CASR: variants seen among roughly 807,000 people sequenced by gnomAD.
CASR encodes extracellular calcium-sensing receptor.
In CASR, 23 loss-of-function variants were observed where a neutral mutation model predicts 69.1. The observed-to-expected ratio is 0.33, with a 90% CI of 0.24 to 0.47. CASR has a LOEUF of 0.47. CASR is among the 20% of genes least tolerant of loss of function. CASR has a pLI of 1.00. For synonymous variants in CASR, 541 were observed against 544.7 expected (o/e 0.99, Z 0.10); for missense variants, 924 against 1,356.1 (o/e 0.68, Z 5.00).
At chr3:122,231,633 T>G (rs982265921) in intron 1 of CASR, among the ~76,000 whole-genome samples, 39 of 152,156 alleles carry the variant, frequency 2.6e-4, no homozygotes, top group Non-Finnish European at 4.4e-5. Context: ...TCACTTAACC[T>G]TGCCTTTCTG....
intron 5 of CASR, among the ~76,000 whole-genome samples, chr3:122,280,709 T>C (rs2074878107): frequency 6.6e-6 from 1 of 152,200 alleles, no homozygotes; most frequent in Non-Finnish European, 1.5e-5. Flanking sequence ...TTTTTTTAAC[T>C]CCTTTGTCAA....
intron 1 of CASR, among the ~76,000 whole-genome samples, chr3:122,231,983 A>T (rs2074283150): frequency 6.6e-6 from 1 of 152,162 alleles, no homozygotes; most frequent in African/African-American, 2.4e-5. Flanking sequence ...GCACACCCGC[A>T]TGTCCAGATA....
chr3:122,288,700 C>T lies in CASR; in HGVS notation c.*3509C>T. ...TTCTATTATCTGTCAGTAGCAGAAA[C>T]CTGAAATTGGTAGCTTCAACAAACT... is the stretch of plus-strand genomic sequence containing the variant. On this transcript the variant is annotated 3_prime_UTR_variant, in exon 7 of 7. Transcript: ENST00000639785. 6.6e-6 allele frequency: 1 copy of T among 152,024 alleles called. No individual in the cohort carries two copies. Among genetic ancestry groups the T allele is most frequent in the East Asian group, 1.9e-4 (1 of 5,194 alleles). 9.4% of individuals were successfully genotyped at this position (152,024 alleles called of 1,614,324 possible). A position where few individuals can be genotyped will look rare whatever the true frequency, so the allele number is the denominator to read the frequency against.
intron 4 of CASR, among the ~76,000 whole-genome samples, chr3:122,266,073 G>C (rs542889973): frequency 6.6e-6 from 1 of 152,184 alleles, no homozygotes; most frequent in South Asian, 2.1e-4. Flanking sequence ...TGTGTGACCT[G>C]GCCCTCATTA....
chr3:122,248,606 GA>G (rs1447443976), intron 1 of CASR, among the ~76,000 whole-genome samples: 1 of 141,262 alleles, frequency 7.1e-6, no homozygotes, highest in Non-Finnish European at 1.6e-5. Context: ...AGGCAACCTA[GA>G]ATTTTTTTTT....
chr3:122,246,040 CCAG>C (rs1452129759), intron 1 of CASR, among the ~76,000 whole-genome samples: 1 of 152,150 alleles, frequency 6.6e-6, no homozygotes, highest in African/African-American at 2.4e-5. Context: ...TTTGTGAATT[CCAG>C]CTCCTGTTCA....
At chr3:122,221,750 A>G (rs775790342) in intron 1 of CASR, among the ~76,000 whole-genome samples, 18 of 152,248 alleles carry the variant, frequency 1.2e-4, no homozygotes, top group Non-Finnish European at 1.8e-4. Flanking sequence ...ATCATTTATT[A>G]CAGCATGACT....
intron 4 of CASR, among the ~76,000 whole-genome samples, chr3:122,274,966 C>T (rs1300415091): frequency 6.6e-6 from 1 of 152,170 alleles, no homozygotes; most frequent in Admixed American, 6.5e-5. Context: ...AGCGATGCTG[C>T]AGTAGAGTAC....
intron 1 of CASR, among the ~76,000 whole-genome samples, chr3:122,204,675 A>G (rs919917593): frequency 1.1e-4 from 17 of 152,138 alleles, no homozygotes; most frequent in African/African-American, 4.1e-4. Flanking sequence ...TGGCTGTACT[A>G]ATTTACATCC....
At chr3:122,192,031 T>A (rs926372861) in intron 1 of CASR, among the ~76,000 whole-genome samples, 1 of 152,234 alleles carries the variant, frequency 6.6e-6, no homozygotes, top group African/African-American at 2.4e-5. Context: ...ATTGTATCAT[T>A]AAGAAATTAT....
chr3:122,227,754 G>A (rs1001292118), intron 1 of CASR, among the ~76,000 whole-genome samples: 6 of 152,062 alleles, frequency 3.9e-5, no homozygotes, highest in Non-Finnish European at 8.8e-5. Context: ...GGAGCACTGG[G>A]GTTGAAAGCT....
chr3:122,202,367 A>G (rs1397778059), intron 1 of CASR, among the ~76,000 whole-genome samples: 4 of 144,748 alleles, frequency 2.8e-5, no homozygotes, highest in African/African-American at 1.0e-4. Flanking sequence ...AGATGGCAGC[A>G]GTACAGTCCA....
At chr3:122,204,354 T>C (rs2073985842) in intron 1 of CASR, among the ~76,000 whole-genome samples, 1 of 152,186 alleles carries the variant, frequency 6.6e-6, no homozygotes, top group Non-Finnish European at 1.5e-5. Flanking sequence ...GCTTGGCTTA[T>C]TTTACTTACT....
chr3:122,207,072 T>G (rs1340978097), intron 1 of CASR, among the ~76,000 whole-genome samples: 1 of 152,110 alleles, frequency 6.6e-6, no homozygotes, highest in Non-Finnish European at 1.5e-5. Context: ...TTATATCTGC[T>G]CTAATTTTAT....
intron 1 of CASR, among the ~76,000 whole-genome samples, chr3:122,228,608 G>C (rs2074249685): frequency 1.3e-5 from 2 of 152,212 alleles, no homozygotes; most frequent in Non-Finnish European, 1.5e-5. Context: ...AAAAGAGAAG[G>C]GGCTGAAGGA....
At chr3:122,209,801 A>C (rs1294564950) in intron 1 of CASR, among the ~76,000 whole-genome samples, 1 of 152,350 alleles carries the variant, frequency 6.6e-6, no homozygotes, top group Middle Eastern at 3.4e-3. Context: ...AGAAAACTTC[A>C]GTCCAATATC....
At chr3:122,280,054 G>A (rs557672835) in intron 5 of CASR, among the ~76,000 whole-genome samples, 1 of 152,012 alleles carries the variant, frequency 6.6e-6, no homozygotes, top group East Asian at 1.9e-4. Context: ...GGGGTGTTTG[G>A]TTTTCTGTTC....
rs540628385 is a variant in CASR at position 122,257,405 on chromosome 3, G to C, written c.492+18G>C. On this transcript the variant is annotated intron_variant, in intron 3 of 6. Coordinates refer to ENST00000639785, the MANE Select transcript of CASR (RefSeq NM_000388.4). ...TTCCCCAGGTACTCAAGCCTTCTCA[G>C]GCGGGGCACTGGGAGCAGGATCAGA... The C allele has an allele frequency of 2.6e-5, 42 of 1,602,816 alleles. No individual in the cohort carries two copies. The African/African-American group carries it at 5.5e-4, about 21-fold the overall frequency.
At chr3:122,264,466 G>T (rs1255483231) in intron 4 of CASR, among the ~76,000 whole-genome samples, 1 of 152,206 alleles carries the variant, frequency 6.6e-6, no homozygotes, top group African/African-American at 2.4e-5. Flanking sequence ...AGTAAGGGGG[G>T]AGTGAATCTC....
Sources: allele counts gnomAD v4.1 joint callset (sites outside exome capture counted in the v4.1 genomes callset), GRCh38; gene constraint gnomAD v4.1.1; transcripts MANE v1.5; gene names NCBI Gene and HGNC (gene_info 2026-07-23, HGNC 2026-07-21).